The following EIF2S1 variants were observed in gnomAD, a reference collection of about 807,000 sequenced individuals.
The protein encoded by EIF2S1 is eukaryotic translation initiation factor 2 subunit 1.
EIF2S1 carries 5 observed loss-of-function variants against 33.5 expected under a neutral mutation model. The ratio of observed to expected loss-of-function variants is 0.15; its 90% CI spans 0.08 to 0.31. EIF2S1 has a LOEUF of 0.31. Among genes scored for constraint, EIF2S1 ranks in the 10% least tolerant of loss-of-function variants. EIF2S1 has a pLI of 1.00. For missense variants in EIF2S1, 191 were observed against 384.6 expected, an observed-to-expected ratio of 0.50 and a Z score of 4.21; for synonymous variants, 99 against 127.5, an observed-to-expected ratio of 0.78 and a Z score of 1.51.
intron 2 of EIF2S1, among the ~76,000 whole-genome samples, chr14:67,365,558 G>A (rs1336548123): frequency 6.6e-6 from 1 of 152,214 alleles, no homozygotes; most frequent in Non-Finnish European, 1.5e-5. Context: ...CTTTCAGACA[G>A]TTTTGGATGA....
intron 2 of EIF2S1, among the ~76,000 whole-genome samples, chr14:67,372,799 G>A (rs924393571): frequency 2.0e-5 from 3 of 151,124 alleles, no homozygotes; most frequent in Non-Finnish European, 4.4e-5. Flanking sequence ...CTGCACTCCA[G>A]CCTGGCGACA....
intron 2 of EIF2S1, among the ~76,000 whole-genome samples, chr14:67,367,497 G>T (rs902633629): frequency 2.6e-5 from 4 of 152,160 alleles, no homozygotes; most frequent in African/African-American, 9.6e-5. Flanking sequence ...CCAAAGTGCT[G>T]GGATTACAGG....
At chr14:67,371,823 GT>G (rs2085823762) in intron 2 of EIF2S1, among the ~76,000 whole-genome samples, 1 of 152,152 alleles carries the variant, frequency 6.6e-6, no homozygotes, top group Non-Finnish European at 1.5e-5. Flanking sequence ...ACAAAGACAT[GT>G]TTTTGTAAAA....
At position 67,360,392 on chromosome 14, in the gene EIF2S1, T is replaced by G. The variant is rs570923887; in HGVS notation, c.-66T>G. 1 of 395,608 alleles carries G rather than the reference T, an allele frequency of 2.5e-6. No homozygotes were observed. Among genetic ancestry groups the G allele is most frequent in the Non-Finnish European group, 4.5e-6 (1 of 224,644 alleles). The allele number at this position is 395,608 out of a possible 1,614,324, so 24.5% of individuals were successfully genotyped here. A position where few individuals can be genotyped will look rare whatever the true frequency, so the allele number is the denominator to read the frequency against. On this transcript the variant is annotated 5_prime_UTR_variant, in exon 1 of 8. Transcript: ENST00000256383. ...CGGCGGCCGGTGAGGGGGAAGCAAG[T>G]CTGGTCTCTGTGATTGAAGAAGTCG...
intron 2 of EIF2S1, among the ~76,000 whole-genome samples, chr14:67,371,116 A>C (rs2085817795): frequency 6.6e-6 from 1 of 152,154 alleles, no homozygotes. Flanking sequence ...ATAAAATTTC[A>C]GAAAGTTAAG....
chr14:67,363,729 A>G (rs1053188371), intron 1 of EIF2S1, among the ~76,000 whole-genome samples: 5 of 152,228 alleles, frequency 3.3e-5, no homozygotes, highest in African/African-American at 1.2e-4. Flanking sequence ...GGAAAGATAC[A>G]TAAGTCAGTG....
chr14:67,361,676 G>T (rs1309981635), intron 1 of EIF2S1, among the ~76,000 whole-genome samples: 2 of 152,144 alleles, frequency 1.3e-5, no homozygotes, highest in East Asian at 3.8e-4. Context: ...GACTATGCAG[G>T]GTATTTGAAA....
chr14:67,383,269 A>AT, intron 7 of EIF2S1, 46 bp from the exon 8 acceptor site: 1 of 1,591,986 alleles, frequency 6.3e-7, no homozygotes, highest in South Asian at 1.1e-5. Flanking sequence ...TTAAATTTGT[A>AT]TAGTATTTAC....
At chr14:67,381,170 A>G (rs972876989) in intron 5 of EIF2S1, among the ~76,000 whole-genome samples, 1 of 152,174 alleles carries the variant, frequency 6.6e-6, no homozygotes. Flanking sequence ...ATTCTTTTTT[A>G]TGCTGGGTAA....
intron 2 of EIF2S1, among the ~76,000 whole-genome samples, chr14:67,372,259 A>T (rs2085827295): frequency 1.3e-5 from 2 of 152,212 alleles, no homozygotes; most frequent in African/African-American, 4.8e-5. Flanking sequence ...CCATATGCAA[A>T]AAAGAACCTC....
At chr14:67,363,766 G>T (rs1236229207) in intron 1 of EIF2S1, among the ~76,000 whole-genome samples, 1 of 152,182 alleles carries the variant, frequency 6.6e-6, no homozygotes, top group African/African-American at 2.4e-5. Flanking sequence ...ATATAGGCAG[G>T]TGCCAATTAA....
In EIF2S1 at chr14:67,376,360, A is replaced by G. The variant is rs138087980; in HGVS notation, c.322-79A>G. On this transcript the variant is annotated intron_variant, in intron 3 of 7. Coordinates refer to ENST00000256383, the MANE Select transcript of EIF2S1 (RefSeq NM_004094.5). ...GTTAAGGAATTATTGTAGCCAAATT[A>G]TGTTATTTACTAAAATGTAAAAACA... 12,152 of 1,337,126 alleles carry G rather than the reference A, an allele frequency of 9.1e-3. 83 individuals carry two copies. Among genetic ancestry groups the G allele is most frequent in the Non-Finnish European group, 0.011 (10,464 of 988,950 alleles). 82.8% of individuals were successfully genotyped at this position (1,337,126 alleles called of 1,614,324 possible). A position where few individuals can be genotyped will look rare whatever the true frequency, so the allele number is the denominator to read the frequency against.
chr14:67,378,122 C>CT (rs1216695476), intron 4 of EIF2S1, among the ~76,000 whole-genome samples: 1 of 144,422 alleles, frequency 6.9e-6, no homozygotes, highest in East Asian at 2.1e-4. Flanking sequence ...GACCTTGTCT[C>CT]TTAAAAAAAA....
chr14:67,363,317 T>C (rs1390865938), intron 1 of EIF2S1, among the ~76,000 whole-genome samples: 1 of 152,082 alleles, frequency 6.6e-6, no homozygotes, highest in African/African-American at 2.4e-5. Flanking sequence ...CCCTATTTTG[T>C]AGGGATTTTG....
rs764107081 is a variant in EIF2S1 at position 67,376,490 on chromosome 14, G to A, written c.373G>A (p.Glu125Lys). The change falls in exon 4 of 8, where the codon GAG (glutamate) becomes AAG (lysine). Residue 125 changes from glutamate to lysine, a missense_variant. Coordinates refer to ENST00000256383, the MANE Select transcript of EIF2S1 (RefSeq NM_004094.5). Reference sequence around the variant, plus strand: ...TGAGGTGTTAGAATACACCAAGGATGAGCAGCTGGAAAGCCTATTCCAGAG... The same window carrying A: ...TGAGGTGTTAGAATACACCAAGGATAAGCAGCTGGAAAGCCTATTCCAGAG... ...VAEVLEYTKD[E>K]QLESLFQRTA... The A allele has an allele frequency of 6.2e-6, 10 of 1,613,968 alleles. No homozygotes were observed. Among genetic ancestry groups the A allele is most frequent in the Non-Finnish European group, 8.5e-6 (10 of 1,179,990 alleles).
At chr14:67,372,035 TG>T (rs1163269019) in intron 2 of EIF2S1, among the ~76,000 whole-genome samples, 2 of 151,988 alleles carry the variant, frequency 1.3e-5, no homozygotes, top group Non-Finnish European at 2.9e-5. Flanking sequence ...GAGGCCTAGG[TG>T]GGGGGATCAC....
In EIF2S1 at chr14:67,383,173, A is replaced by G. The variant is rs746107478; in HGVS notation, c.823-142A>G. 96 of 860,276 alleles carry G rather than the reference A, an allele frequency of 1.1e-4. 1 individual carries two copies. The highest frequency in any genetic ancestry group is 1.5e-4 in the Non-Finnish European group (86 of 585,454). 53.3% of individuals were successfully genotyped at this position (860,276 alleles called of 1,614,324 possible). A position where few individuals can be genotyped will look rare whatever the true frequency, so the allele number is the denominator to read the frequency against. ...ATTTATGTAATGGAATTTATTGCTG[A>G]TAAGTCACTCAAAAGTGAACAGATA... On this transcript the variant is annotated intron_variant, in intron 7 of 7. Transcript: ENST00000256383.
At chr14:67,381,907 G>C (rs916629148) in intron 6 of EIF2S1, among the ~76,000 whole-genome samples, 1 of 152,076 alleles carries the variant, frequency 6.6e-6, no homozygotes, top group African/African-American at 2.4e-5. Flanking sequence ...AGTGGATGGA[G>C]ATTCCTATTG....
chr14:67,363,217 C>T (rs373760393), intron 1 of EIF2S1, among the ~76,000 whole-genome samples: 1 of 151,652 alleles, frequency 6.6e-6, no homozygotes, highest in Admixed American at 6.6e-5. Context: ...CCCCCACCCT[C>T]GAAAAGCCCT....
Sources: allele counts gnomAD v4.1 joint callset (sites outside exome capture counted in the v4.1 genomes callset), GRCh38; gene constraint gnomAD v4.1.1; transcripts MANE v1.5; gene names NCBI Gene and HGNC (gene_info 2026-07-23, HGNC 2026-07-21).